Variants in RNF213 observed in about 807,000 individuals in gnomAD.
RNF213 encodes E3 ubiquitin-protein ligase RNF213.
In RNF213, 341 loss-of-function variants were observed where a neutral mutation model predicts 514.4. That is an observed-to-expected ratio of 0.66 (90% CI 0.61 to 0.73). RNF213 has a LOEUF of 0.73. Among genes scored for constraint, RNF213 ranks in the 30% least tolerant of loss-of-function variants. RNF213 has a pLI of 0.00. For synonymous variants in RNF213, 2,655 were observed against 2,658.2 expected, an observed-to-expected ratio of 1.00 and a Z score of 0.04; for missense variants, 5,767 against 6,615.6, an observed-to-expected ratio of 0.87 and a Z score of 4.45.
intron 11 of RNF213, chr17:80,298,840 G>A (rs2045065173): frequency 3.0e-6 from 1 of 328,064 alleles, no homozygotes; most frequent in Middle Eastern, 1.1e-3. Context: ...TTAGCCAGGT[G>A]TGGTGGCATG....
intron 2 of RNF213, among the ~76,000 whole-genome samples, chr17:80,267,310 G>A (rs902189751): frequency 2.0e-5 from 3 of 151,846 alleles, no homozygotes; most frequent in Non-Finnish European, 4.4e-5. Context: ...GCATGGTGGC[G>A]TGTACCTGTA....
chr17:80,393,581 T>C lies in RNF213; in HGVS notation c.*83T>C. The C allele has an allele frequency of 6.9e-7, 1 of 1,458,248 alleles. No individual in the cohort carries two copies. Among genetic ancestry groups the C allele is most frequent in the South Asian group, 1.2e-5 (1 of 85,910 alleles). 90.3% of individuals were successfully genotyped at this position (1,458,248 alleles called of 1,614,324 possible). A position where few individuals can be genotyped will look rare whatever the true frequency, so the allele number is the denominator to read the frequency against. ...CTGCGGCGTGGACTTGATCATGGAC[T>C]GGTGCCTTTGCATTCAGAAGGAGAG... On this transcript the variant is annotated 3_prime_UTR_variant, in exon 68 of 68. Coordinates refer to ENST00000582970, the MANE Select transcript of RNF213 (RefSeq NM_001256071.3).
intron 15 of RNF213, 105 bp downstream of exon 15, chr17:80,313,272 C>T (rs889208991): frequency 6.3e-6 from 9 of 1,422,854 alleles, no homozygotes; most frequent in Middle Eastern, 1.8e-4. Flanking sequence ...AGTTGTTGGC[C>T]TTCACCTGAG....
chr17:80,296,907 C>A (rs1165989564), intron 10 of RNF213, among the ~76,000 whole-genome samples: 1 of 151,712 alleles, frequency 6.6e-6, no homozygotes, highest in East Asian at 2.0e-4. Context: ...TCTTGAGCTC[C>A]TGACCTTGTG....
chr17:80,301,971 T>C (rs79730629), intron 11 of RNF213, among the ~76,000 whole-genome samples: 1 of 152,254 alleles, frequency 6.6e-6, no homozygotes, highest in South Asian at 2.1e-4. Flanking sequence ...TGAAATTCTG[T>C]CTTTCGCAGC....
chr17:80,295,246 GGA>G (rs1488141895), intron 9 of RNF213, among the ~76,000 whole-genome samples: 1 of 152,184 alleles, frequency 6.6e-6, no homozygotes, highest in Non-Finnish European at 1.5e-5. Context: ...GGCCTTGGAG[GGA>G]GAGTGGAAGG....
intron 59 of RNF213, 63 bp from the exon 60 acceptor site, chr17:80,384,976 G>A (rs145623354): frequency 8.5e-4 from 1,334 of 1,572,232 alleles, no homozygotes; most frequent in Non-Finnish European, 1.1e-3. Context: ...CTCAAAGTCT[G>A]TAACCCCAAT....
intron 1 of RNF213, among the ~76,000 whole-genome samples, chr17:80,261,364 C>T (rs537182624): frequency 1.3e-5 from 2 of 152,374 alleles, no homozygotes; most frequent in South Asian, 2.1e-4. Context: ...ACGAGGGAGG[C>T]ATCGCCCCGT....
intron 36 of RNF213, chr17:80,354,790 G>A (rs1018841995): frequency 5.1e-5 from 31 of 610,992 alleles, no homozygotes; most frequent in Non-Finnish European, 7.7e-5. Flanking sequence ...CTCTAATTTC[G>A]TGTTTACAGT....
At position 80,360,218 on chromosome 17, in the gene RNF213, T is replaced by C; in HGVS notation, c.11200+12T>C. 1 of 1,608,344 alleles carries C rather than the reference T, an allele frequency of 6.2e-7. No individual in the cohort carries two copies. Among genetic ancestry groups the C allele is most frequent in the East Asian group, 2.2e-5 (1 of 44,742 alleles). ...CACAGACGCAGAAGGTGAGGCTACC[T>C]CAAGACAGGTCAGATTCAGCACAGG... On this transcript the variant is annotated intron_variant, in intron 38 of 67. Transcript: ENST00000582970.
intron 37 of RNF213, among the ~76,000 whole-genome samples, chr17:80,358,986 G>C (rs1038436985): frequency 3.7e-4 from 56 of 152,276 alleles, no homozygotes; most frequent in African/African-American, 1.3e-3. Flanking sequence ...CCTGCTTTCA[G>C]AGCACTGGTT....
At chr17:80,303,514 G>A (rs12451808) in intron 11 of RNF213, among the ~76,000 whole-genome samples, 67,350 of 151,676 alleles carry the variant, frequency 0.44, 17,308 homozygotes, top group African/African-American at 0.72. Context: ...CCTTTAGAAG[G>A]CGTAAAAGCC....
At chr17:80,363,937 G>A (rs948085042) in intron 41 of RNF213, 147 bp downstream of exon 41, 11 of 829,714 alleles carry the variant, frequency 1.3e-5, no homozygotes, top group South Asian at 4.4e-5. Flanking sequence ...CGCATTTGCC[G>A]AACCCTTAGT....
At position 80,327,817 on chromosome 17, in the gene RNF213, A is replaced by T. The variant is rs1307366668; in HGVS notation, c.3195A>T (p.Gly1065=). 3 of 1,535,698 alleles carry T rather than the reference A, an allele frequency of 2.0e-6. No homozygotes were observed. Among genetic ancestry groups the T allele is most frequent in the Non-Finnish European group, 1.7e-6 (2 of 1,145,758 alleles). The change falls in exon 19 of 68, where the codon GGA becomes GGT. Residue 1065 remains glycine, a splice_region_variant and synonymous_variant. Transcript: ENST00000582970. ...TAACTGTGTTCTTCATCTATTCAGGAACCGACGAGAAAATACTAGCAAATG... is the reference window on the plus strand; with the variant it reads ...TAACTGTGTTCTTCATCTATTCAGGTACCGACGAGAAAATACTAGCAAATG... ...ADVKHVFRLC[G]TDEKILANVT...
chr17:80,349,020 C>G (rs7224493), intron 29 of RNF213, among the ~76,000 whole-genome samples: 105,164 of 151,942 alleles, frequency 0.69, 36,753 homozygotes, highest in Middle Eastern at 0.76. Context: ...CCGCTGGAAC[C>G]GTACAAAGGA....
chr17:80,307,716 A>C (rs2045418629), intron 13 of RNF213, among the ~76,000 whole-genome samples: 1 of 151,460 alleles, frequency 6.6e-6, no homozygotes. Context: ...CGCCTGGCTA[A>C]TTTTTGTATT....
intron 46 of RNF213, among the ~76,000 whole-genome samples, chr17:80,370,185 G>A (rs917127138): frequency 6.6e-6 from 1 of 152,180 alleles, no homozygotes. Flanking sequence ...CCACAGCAGC[G>A]CAACTTTCTG....
rs775149654 is a variant in RNF213, at chr17:80,347,839, G to A, written c.9504G>A (p.Arg3168=). The change falls in exon 29 of 68, where the codon CGG becomes CGA. Residue 3168 remains arginine, a synonymous_variant. Coordinates refer to ENST00000582970, the MANE Select transcript of RNF213 (RefSeq NM_001256071.3). The surrounding 1 kb of genome is among the most constrained non-coding windows in gnomAD (Gnocchi z 7.2). The part of the protein sequence containing the change: ...YKHFPIPLIN[R]LEKHYLDINT... ...ACTTTCCCATCCCCCTCATTAACCG[G>A]CTGGAGAAGCACTATCTGGATATCA... The A allele has an allele frequency of 6.2e-6, 10 of 1,614,012 alleles. No homozygotes were observed. In the Admixed American group the frequency reaches 8.3e-5, roughly 13 times the overall value.
intron 38 of RNF213, 49 bp from the exon 39 acceptor site, chr17:80,361,685 G>A: frequency 6.2e-6 from 10 of 1,605,566 alleles, no homozygotes; most frequent in Non-Finnish European, 7.7e-6. Context: ...GCAGGGGAGC[G>A]CCATGACTTA....
Sources: allele counts gnomAD v4.1 joint callset (sites outside exome capture counted in the v4.1 genomes callset), GRCh38; gene constraint gnomAD v4.1.1; non-coding constraint Gnocchi (gnomAD v3.1); transcripts MANE v1.5; gene names NCBI Gene and HGNC (gene_info 2026-07-23, HGNC 2026-07-21).